Variants in BCAS3 observed in about 807,000 individuals in gnomAD.
BCAS3 encodes BCAS4/BCAS3 fusion.
Under a neutral mutation model 116.1 loss-of-function variants are expected in BCAS3, and 53 were observed. The ratio of observed to expected loss-of-function variants is 0.46; its 90% CI spans 0.37 to 0.57. The LOEUF (loss-of-function observed/expected upper bound fraction) is 0.57. BCAS3 is among the 20% of genes least tolerant of loss of function. The pLI, the probability that BCAS3 is intolerant of heterozygous loss-of-function variation, is 0.00. For missense variants in BCAS3, 917 were observed against 1,165.4 expected (o/e 0.79, Z 3.10); for synonymous variants, 391 against 408.2 (o/e 0.96, Z 0.51).
At chr17:61,254,775 C>CAAAAAAAAAAAAAA (rs1340052291) in intron 22 of BCAS3, among the ~76,000 whole-genome samples, 1 of 702 alleles carries the variant, frequency 1.4e-3, no homozygotes, top group Non-Finnish European at 3.9e-3. Context: ...GACTCCGTCT[C>CAAAAAAAAAAAAAA]AGAAAAAAAA....
At chr17:61,207,091 T>C (rs1178230001) in intron 22 of BCAS3, among the ~76,000 whole-genome samples, 1 of 152,152 alleles carries the variant, frequency 6.6e-6, no homozygotes, top group Non-Finnish European at 1.5e-5. Context: ...TAGCACCTTT[T>C]CGAAGTTTTC....
intron 14 of BCAS3, among the ~76,000 whole-genome samples, chr17:60,949,624 C>T (rs2060724501): frequency 6.6e-6 from 1 of 152,074 alleles, no homozygotes; most frequent in African/African-American, 2.4e-5. Flanking sequence ...TTGTGGGGTA[C>T]ATGTGATATT....
chr17:61,086,891 G>A (rs1169856045), intron 22 of BCAS3: 16 of 984,966 alleles, frequency 1.6e-5, no homozygotes, highest in South Asian at 1.4e-4. Flanking sequence ...ATATGTTAAC[G>A]CATTTTTTGA....
At chr17:60,955,445 G>T (rs2061078785) in intron 14 of BCAS3, among the ~76,000 whole-genome samples, 1 of 144,468 alleles carries the variant, frequency 6.9e-6, no homozygotes, top group African/African-American at 2.7e-5. Context: ...GCAGTGCAGT[G>T]GCGCTATCTC....
In BCAS3 at chr17:61,034,699, C is replaced by G; in HGVS notation, c.1671C>G (p.Ser557Arg). Residue 557 changes from serine to arginine, a missense_variant, in exon 17 of 24, where the codon AGC (serine) becomes AGG (arginine). By Grantham distance (110) the Ser-to-Arg change is moderately radical (BLOSUM62 -1). Coordinates refer to ENST00000407086, the MANE Select transcript of BCAS3 (RefSeq NM_017679.5). This position sits in a 1 kb window ranked among gnomAD's most constrained non-coding sequence, Gnocchi z 5.0. Reference protein sequence around the residue: ...KVKPPPQISPSKSMGGEFCVA... With the variant: ...KVKPPPQISPRKSMGGEFCVA... ...AACCTCCTCCACAAATTTCACCCAG[C>G]AAATCGATGGGCGGAGAATTTTGTG... 1 of 1,611,246 alleles carries G rather than the reference C, an allele frequency of 6.2e-7. No individual in the cohort carries two copies. Among genetic ancestry groups the G allele is most frequent in the Non-Finnish European group, 8.5e-7 (1 of 1,178,316 alleles).
chr17:61,289,219 G>A (rs114690379), intron 22 of BCAS3, among the ~76,000 whole-genome samples: 11 of 152,312 alleles, frequency 7.2e-5, no homozygotes, highest in African/African-American at 2.6e-4. Flanking sequence ...GACTCAGCTG[G>A]CTCACTCAGA....
chr17:61,334,148 G>T (rs944257689), intron 22 of BCAS3, among the ~76,000 whole-genome samples: 1 of 152,154 alleles, frequency 6.6e-6, no homozygotes, highest in Non-Finnish European at 1.5e-5. Flanking sequence ...TACAGTAGAA[G>T]TATCAACAAA....
intron 22 of BCAS3, among the ~76,000 whole-genome samples, chr17:61,291,235 G>A (rs1049006499): frequency 1.3e-5 from 2 of 152,114 alleles, no homozygotes; most frequent in Non-Finnish European, 2.9e-5. Context: ...CAAAAGAAAC[G>A]AATAACCCAG....
chr17:61,096,630 G>A (rs1415924670), intron 22 of BCAS3, among the ~76,000 whole-genome samples: 1 of 152,086 alleles, frequency 6.6e-6, no homozygotes, highest in Admixed American at 6.5e-5. Flanking sequence ...GAATCTCTTG[G>A]ATTTTCTACT....
At chr17:61,160,629 A>T (rs1455508095) in intron 22 of BCAS3, among the ~76,000 whole-genome samples, 1 of 152,198 alleles carries the variant, frequency 6.6e-6, no homozygotes, top group Non-Finnish European at 1.5e-5. Flanking sequence ...CCTTTTAAGA[A>T]AAAAATGCCT....
rs1056777293 is a variant in BCAS3 at position 61,315,018 on chromosome 17, C to T, written c.2426-53309C>T. Among the ~76,000 whole-genome samples the T allele has an allele frequency of 6.6e-6, 1 of 152,254 alleles. No individual in the cohort carries two copies. The highest frequency in any genetic ancestry group is 2.1e-4 in the South Asian group (1 of 4,816). ...ATGTTGGAACTCCTCTTCACCCATCCGAGGAACAGTGTGCCTGGAAAATGC... is the reference window on the plus strand; with the variant it reads ...ATGTTGGAACTCCTCTTCACCCATCTGAGGAACAGTGTGCCTGGAAAATGC... On this transcript the variant is annotated intron_variant, in intron 22 of 23. Coordinates refer to ENST00000407086, the MANE Select transcript of BCAS3 (RefSeq NM_017679.5). This position sits in a 1 kb window ranked among gnomAD's most constrained non-coding sequence, Gnocchi z 5.3.
In BCAS3 at chr17:61,327,328, TAAAC is replaced by T. The variant is rs376342474; in HGVS notation, c.2426-40994_2426-40991del. ...AAATAAAATAAAATAAAAATAAAAA[TAAAC>T]AAACGTTTAAAAAATCAATTTTAGA... is the stretch of plus-strand genomic sequence containing the variant. On this transcript the variant is annotated intron_variant, in intron 22 of 23. Coordinates refer to ENST00000407086, the MANE Select transcript of BCAS3 (RefSeq NM_017679.5). The surrounding 1 kb of genome is among the most constrained non-coding windows in gnomAD (Gnocchi z 5.9). Among the ~76,000 whole-genome samples, 29 of 151,916 alleles carry T rather than the reference TAAAC, an allele frequency of 1.9e-4. No individual in the cohort carries two copies. The highest frequency in any genetic ancestry group is 5.8e-4 in the African/African-American group (24 of 41,444).
chr17:61,379,515 A>G lies in BCAS3; in HGVS notation c.2593+11021A>G, dbSNP rs1436575384. On this transcript the variant is annotated intron_variant, in intron 23 of 23. Transcript: ENST00000407086. This position sits in a 1 kb window ranked among gnomAD's most constrained non-coding sequence, Gnocchi z 5.5. ...CCCATCCGATTGAACTTAACGGAGAAGTGAAGTTCCCTAGTAGAAGAAGGC... is the reference window on the plus strand; with the variant it reads ...CCCATCCGATTGAACTTAACGGAGAGGTGAAGTTCCCTAGTAGAAGAAGGC... The G allele has an allele frequency of 1.3e-5, 2 of 152,210 alleles. No individual in the cohort carries two copies. The highest frequency in any genetic ancestry group is 2.9e-5 in the Non-Finnish European group (2 of 68,056). The allele number at this position is 152,210 out of a possible 1,614,324, so 9.4% of individuals were successfully genotyped here.
chr17:61,142,378 C>G (rs1256775469), intron 22 of BCAS3, among the ~76,000 whole-genome samples: 1 of 152,150 alleles, frequency 6.6e-6, no homozygotes, highest in African/African-American at 2.4e-5. Flanking sequence ...GAATACTGAT[C>G]CAATCCAAAG....
rs999858518 is a variant in BCAS3, at chr17:61,307,271, C to T, written c.2426-61056C>T. The stretch of plus-strand genomic sequence containing the variant: ...AGCTGTGGGTTCCTCTGGGACTGTT[C>T]CCCAGAAGGAGATTTTTCTGCCAGT... On this transcript the variant is annotated intron_variant, in intron 22 of 23. Transcript: ENST00000407086. This position sits in a 1 kb window ranked among gnomAD's most constrained non-coding sequence, Gnocchi z 4.7. Among the ~76,000 whole-genome samples the T allele has an allele frequency of 6.6e-6, 1 of 152,190 alleles. No homozygotes were observed. Among genetic ancestry groups the T allele is most frequent in the African/African-American group, 2.4e-5 (1 of 41,446 alleles).
At chr17:61,060,860 C>A (rs1438023833) in intron 19 of BCAS3, among the ~76,000 whole-genome samples, 1 of 152,150 alleles carries the variant, frequency 6.6e-6, no homozygotes, top group Non-Finnish European at 1.5e-5. Flanking sequence ...CACAACTCCC[C>A]ACCATTACGT....
intron 21 of BCAS3, among the ~76,000 whole-genome samples, chr17:61,080,161 T>TC (rs2072448503): frequency 6.6e-6 from 1 of 151,880 alleles, no homozygotes; most frequent in Non-Finnish European, 1.5e-5. Context: ...CGCCTCTGCC[T>TC]CCCAAAGTGT....
Position 61,388,427 on chromosome 17 carries a change from C to T in BCAS3, c.2594-3550C>T. 1.8e-6 allele frequency: 1 copy of T among 567,964 alleles called. No homozygotes were observed. The highest frequency in any genetic ancestry group is 3.1e-6 in the Non-Finnish European group (1 of 319,542). 35.2% of individuals were successfully genotyped at this position (567,964 alleles called of 1,614,324 possible). ...GTCACAGCAGATCCATCTCTGGGAC[C>T]CCCAAGACAGATTGGTCCCCAGCCC... On this transcript the variant is annotated intron_variant, in intron 23 of 23. Transcript: ENST00000407086. This position sits in a 1 kb window ranked among gnomAD's most constrained non-coding sequence, Gnocchi z 6.5.
intron 6 of BCAS3, among the ~76,000 whole-genome samples, chr17:60,767,565 T>A (rs2044244732): frequency 6.6e-6 from 1 of 151,922 alleles, no homozygotes; most frequent in African/African-American, 2.4e-5. Flanking sequence ...CAGGCTGGTG[T>A]CAAACTCCTC....
Sources: allele counts gnomAD v4.1 joint callset (sites outside exome capture counted in the v4.1 genomes callset), GRCh38; gene constraint gnomAD v4.1.1; non-coding constraint Gnocchi (gnomAD v3.1); transcripts MANE v1.5; gene names NCBI Gene and HGNC (gene_info 2026-07-23, HGNC 2026-07-21).